Variants in EDRF1 observed in about 807,000 individuals in gnomAD.
EDRF1 encodes erythroid differentiation-related factor 1.
A neutral mutation model predicts 148.7 loss-of-function variants in EDRF1; 69 were observed. The observed-to-expected ratio is 0.46, with a 90% CI of 0.38 to 0.57. The LOEUF (loss-of-function observed/expected upper bound fraction) is 0.57, where lower values mean the gene tolerates loss of function less well. Among genes scored for constraint, EDRF1 ranks in the 20% least tolerant of loss-of-function variants. The pLI, the probability that EDRF1 is intolerant of heterozygous loss-of-function variation, is 0.00. For missense variants in EDRF1, 1,118 were observed against 1,478.7 expected, an observed-to-expected ratio of 0.76 and a Z score of 4.00; for synonymous variants, 515 against 532.8, an observed-to-expected ratio of 0.97 and a Z score of 0.46.
intron 9 of EDRF1, among the ~76,000 whole-genome samples, chr10:125,732,699 C>T (rs948346881): frequency 6.6e-6 from 1 of 152,126 alleles, no homozygotes; most frequent in African/African-American, 2.4e-5. Context: ...CAACCTCAGA[C>T]GATTGTGTTT....
At position 125,730,026 on chromosome 10, in the gene EDRF1, G is replaced by A. The variant is rs568902036; in HGVS notation, c.1017-262G>A. ...GTGAGGAGCAGGCAGTAGGCTCACCGTCCTTTCCTATTATATTGTCTTCTA... is the reference window on the plus strand; with the variant it reads ...GTGAGGAGCAGGCAGTAGGCTCACCATCCTTTCCTATTATATTGTCTTCTA... On this transcript the variant is annotated intron_variant, in intron 8 of 24. Transcript: ENST00000356792. 9.2e-5 allele frequency among the ~76,000 whole-genome samples: 14 copies of A among 152,270 alleles called. No individual in the cohort carries two copies. In the South Asian group the frequency reaches 1.7e-3, roughly 18 times the overall value.
intron 4 of EDRF1, 30 bp from the exon 5 acceptor site, chr10:125,725,288 T>C (rs1268732345): frequency 1.2e-6 from 2 of 1,613,544 alleles, no homozygotes; most frequent in Non-Finnish European, 1.7e-6. Context: ...ATGTGTGTTG[T>C]ATTAATAATA....
intron 1 of EDRF1, among the ~76,000 whole-genome samples, chr10:125,720,314 C>G (rs1847920687): frequency 6.6e-6 from 1 of 152,106 alleles, no homozygotes; most frequent in South Asian, 2.1e-4. Context: ...TGAACCCAGA[C>G]GCCGAACTTG....
In EDRF1 at chr10:125,763,285, T is replaced by C. The variant is rs934619738; in HGVS notation, c.3546-16T>C. 7.5e-6 allele frequency: 12 copies of C among 1,609,454 alleles called. No individual in the cohort carries two copies. Among genetic ancestry groups the C allele is most frequent in the African/African-American group, 4.0e-5 (3 of 74,920 alleles). On this transcript the variant is annotated splice_polypyrimidine_tract_variant and intron_variant, in intron 24 of 24. Coordinates refer to ENST00000356792, the MANE Select transcript of EDRF1 (RefSeq NM_001202438.2). This position sits in a 1 kb window ranked among gnomAD's most constrained non-coding sequence, Gnocchi z 4.3. ...TGCTGGTCCCTTACCTGTCTCTTTT[T>C]CTTTTTTAACCCTAGCAATAACATC...
intron 13 of EDRF1, 23 bp from the exon 14 acceptor site, chr10:125,737,895 T>C (rs1352984378): frequency 6.2e-7 from 1 of 1,610,004 alleles, no homozygotes; most frequent in Admixed American, 1.7e-5. Flanking sequence ...AGTGTATTAA[T>C]AATTTTATGT....
intron 20 of EDRF1, 22 bp from the exon 21 acceptor site, chr10:125,747,840 CT>C: frequency 6.2e-7 from 1 of 1,613,770 alleles, no homozygotes; most frequent in Non-Finnish European, 8.5e-7. Flanking sequence ...TTATTTTTTT[CT>C]TCCCCCTCAA....
chr10:125,725,257 C>G, intron 4 of EDRF1, 61 bp from the exon 5 acceptor site: 1 of 1,597,578 alleles, frequency 6.3e-7, no homozygotes, highest in Non-Finnish European at 8.6e-7. Context: ...TAAGCTAGTA[C>G]TAGGTAACAT....
chr10:125,725,584 T>C, intron 5 of EDRF1, 98 bp from the exon 6 acceptor site: 1 of 1,571,370 alleles, frequency 6.4e-7, no homozygotes, highest in Non-Finnish European at 8.7e-7. Context: ...TTACAAGATG[T>C]ATGCTTAATT....
chr10:125,738,485 T>A, intron 15 of EDRF1, 40 bp downstream of exon 15: 1 of 1,611,892 alleles, frequency 6.2e-7, no homozygotes, highest in Non-Finnish European at 8.5e-7. Flanking sequence ...TTCAATAGAA[T>A]AATACACTGG....
chr10:125,729,581 T>C, intron 8 of EDRF1, 102 bp downstream of exon 8: 2 of 1,435,678 alleles, frequency 1.4e-6, no homozygotes, highest in South Asian at 1.1e-5. Flanking sequence ...AAGATCATGC[T>C]ACCGCACTCC....
intron 15 of EDRF1, among the ~76,000 whole-genome samples, chr10:125,739,844 A>C (rs1220790254): frequency 3.3e-5 from 5 of 152,220 alleles, no homozygotes; most frequent in African/African-American, 1.2e-4. Context: ...ACTTCATGTC[A>C]CAGTTTCCAG....
At chr10:125,746,361 G>A (rs767510521) in intron 19 of EDRF1, among the ~76,000 whole-genome samples, 2 of 152,034 alleles carry the variant, frequency 1.3e-5, no homozygotes, top group African/African-American at 2.4e-5. Flanking sequence ...ATGCACAAAT[G>A]TATAAAAAAT....
At chr10:125,731,063 C>G (rs938133778) in intron 9 of EDRF1, among the ~76,000 whole-genome samples, 1 of 152,150 alleles carries the variant, frequency 6.6e-6, no homozygotes, top group Non-Finnish European at 1.5e-5. Context: ...AGGAGGATCA[C>G]TTGAGCCCAG....
At position 125,723,870 on chromosome 10, in the gene EDRF1, C is replaced by T. The variant is rs754084555; in HGVS notation, c.444C>T (p.His148=). ...YSKSHVSMAV[H]RIGRTLLLDE... ...AGTCGCACGTGAGCATGGCAGTACA[C>T]CGCATAGGAAGGACTCTCTTACTAG... The change falls in exon 4 of 25, where the codon CAC becomes CAT. Residue 148 remains histidine (H), a synonymous_variant. Transcript: ENST00000356792. 1 of 1,613,654 alleles carries T rather than the reference C, an allele frequency of 6.2e-7. No individual in the cohort carries two copies. Among genetic ancestry groups the T allele is most frequent in the African/African-American group, 1.3e-5 (1 of 74,994 alleles).
intron 9 of EDRF1, among the ~76,000 whole-genome samples, chr10:125,731,570 A>C (rs1848480846): frequency 6.6e-6 from 1 of 152,202 alleles, no homozygotes; most frequent in African/African-American, 2.4e-5. Context: ...TGAGCTAAGG[A>C]GTATGGACTT....
At chr10:125,748,469 T>A (rs1564748867) in intron 21 of EDRF1, 1 of 206,590 alleles carries the variant, frequency 4.8e-6, no homozygotes, top group Non-Finnish European at 9.9e-6. Context: ...ATGCCTGTAT[T>A]TCTGAGAATA....
chr10:125,723,448 G>A (rs1384686701), intron 3 of EDRF1, among the ~76,000 whole-genome samples: 1 of 152,154 alleles, frequency 6.6e-6, no homozygotes, highest in East Asian at 1.9e-4. Context: ...GTTACCAGTT[G>A]AGTTACAAAT....
At position 125,763,297 on chromosome 10, in the gene EDRF1, C is replaced by G. The variant is rs890269030; in HGVS notation, c.3546-4C>G. 6.2e-7 allele frequency: 1 copy of G among 1,611,448 alleles called. No homozygotes were observed. The highest frequency in any genetic ancestry group is 1.7e-5 in the Admixed American group (1 of 60,000). ...ACCTGTCTCTTTTTCTTTTTTAACC[C>G]TAGCAATAACATCGAAGATGACACA... On this transcript the variant is annotated splice_polypyrimidine_tract_variant and splice_region_variant and intron_variant, in intron 24 of 24. Coordinates refer to ENST00000356792, the MANE Select transcript of EDRF1 (RefSeq NM_001202438.2). The surrounding 1 kb of genome is among the most constrained non-coding windows in gnomAD (Gnocchi z 4.3).
At chr10:125,742,725 G>A in intron 17 of EDRF1, 1 of 984,860 alleles carries the variant, frequency 1.0e-6, no homozygotes, top group Non-Finnish European at 1.2e-6. Flanking sequence ...ATTTCCATTA[G>A]TTAAAAATAG....
Sources: gnomAD v4.1 joint callset for allele counts (sites outside exome capture counted in the v4.1 genomes callset) on GRCh38, gnomAD v4.1.1 for gene constraint, Gnocchi (gnomAD v3.1) non-coding constraint, MANE v1.5 for transcripts, NCBI Gene and HGNC (gene_info 2026-07-23, HGNC 2026-07-21) for gene names.